Variants in MSLN observed in about 807,000 individuals in gnomAD.
The protein encoded by MSLN is CAK1 antigen.
In MSLN, 82 loss-of-function variants were observed where a neutral mutation model predicts 72.6. The ratio of observed to expected loss-of-function variants is 1.13; its 90% CI spans 0.94 to 1.36. The LOEUF (loss-of-function observed/expected upper bound fraction) is 1.36, where lower values mean the gene tolerates loss of function less well. Among genes scored for constraint, MSLN ranks in the 40% most tolerant of loss-of-function variants. The probability of loss-of-function intolerance (pLI) is 0.00; values close to 1 mark genes in which losing one functional copy is unlikely to be tolerated. For synonymous variants in MSLN, 456 were observed against 387.3 expected (o/e 1.18, Z -2.08); for missense variants, 1,005 against 847.9 (o/e 1.19, Z -2.30).
In MSLN at chr16:763,625, A is replaced by C; in HGVS notation, c.130-17A>C. ...AGAGCTGGTCTGAGCCATGTTCAGC[A>C]GGCCCTGTGTCCCCAGGAGGCTGCG... On this transcript the variant is annotated splice_polypyrimidine_tract_variant and intron_variant, in intron 4 of 17. Transcript: ENST00000545450. 1 of 1,591,632 alleles carries C rather than the reference A, an allele frequency of 6.3e-7. No individual in the cohort carries two copies. The highest frequency in any genetic ancestry group is 8.6e-7 in the Non-Finnish European group (1 of 1,166,608).
At chr16:765,088 G>A (rs758832787) in intron 8 of MSLN, 22 bp from the exon 9 acceptor site, 33 of 1,605,436 alleles carry the variant, frequency 2.1e-5, no homozygotes, top group Middle Eastern at 1.6e-4. Flanking sequence ...TTCCAAAAGC[G>A]CTGAGGCCAG....
At chr16:767,351 C>T in intron 15 of MSLN, 25 bp from the exon 16 acceptor site, 1 of 1,604,102 alleles carries the variant, frequency 6.2e-7, no homozygotes, top group Non-Finnish European at 8.5e-7. Flanking sequence ...GAGGCCTCAG[C>T]TCGGGCCCCT....
chr16:766,982 G>T lies in MSLN; in HGVS notation c.1471G>T (p.Glu491Ter), dbSNP rs747503528. Residue 491 changes from glutamate (E) to a stop codon, truncating the protein, a stop_gained, in exon 15 of 18, where the codon GAA (glutamate) becomes TAA (stop). Coordinates refer to ENST00000545450, the MANE Select transcript of MSLN (RefSeq NM_005823.6). LOFTEE classifies it high-confidence loss of function. ...RLAFQNMNGS[E>*]YFVKIQSFLG... ...TGCTTTCCAGAACATGAACGGGTCC[G>T]AATACTTCGTGAAGATCCAGTCCTT... 6.2e-7 allele frequency: 1 copy of T among 1,612,620 alleles called. No individual in the cohort carries two copies. Among genetic ancestry groups the T allele is most frequent in the African/African-American group, 1.3e-5 (1 of 75,042 alleles).
rs1294636951 is a variant in MSLN at position 765,524 on chromosome 16, C to A, written c.705-3C>A. 6.2e-7 allele frequency: 1 copy of A among 1,603,006 alleles called. No individual in the cohort carries two copies. Among genetic ancestry groups the A allele is most frequent in the South Asian group, 1.1e-5 (1 of 90,302 alleles). On this transcript the variant is annotated splice_region_variant and splice_polypyrimidine_tract_variant and intron_variant, in intron 9 of 17. Coordinates refer to ENST00000545450, the MANE Select transcript of MSLN (RefSeq NM_005823.6). ...CCCTGAGCTGTGTCCCGTGTCTGCA[C>A]AGCCCCCCGTCGACATGGTCTGTCT... is the stretch of plus-strand genomic sequence containing the variant.
Position 764,053 on chromosome 16 carries a change from G to C in MSLN, c.210G>C (p.Pro70=). The change falls in exon 6 of 18, where the codon CCG becomes CCC. Residue 70 remains proline, a synonymous_variant. Transcript: ENST00000545450. ...CCCCTCGCCAACTCCTTGGCTTCCCGTGTGCGGAGGTGTCCGGCCTGAGCA... is the reference window on the plus strand; with the variant it reads ...CCCCTCGCCAACTCCTTGGCTTCCCCTGTGCGGAGGTGTCCGGCCTGAGCA... ...SLSPRQLLGF[P]CAEVSGLSTE... 6.2e-7 allele frequency: 1 copy of C among 1,604,462 alleles called. No homozygotes were observed. The highest frequency in any genetic ancestry group is 8.5e-7 in the Non-Finnish European group (1 of 1,179,750).
intron 2 of MSLN, 134 bp from the exon 3 acceptor site, chr16:762,538 G>A (rs2041548670): frequency 5.8e-6 from 4 of 695,232 alleles, no homozygotes; most frequent in African/African-American, 1.8e-5. Context: ...GGGCCAGGGT[G>A]CGGACACAAG....
At chr16:767,260 G>C in intron 15 of MSLN, 116 bp from the exon 16 acceptor site, 1 of 1,156,966 alleles carries the variant, frequency 8.6e-7, no homozygotes, top group South Asian at 1.3e-5. Context: ...CCAGGCCCTG[G>C]AATCCCTAAG....
chr16:768,702 T>A lies in MSLN; in HGVS notation c.1838T>A (p.Leu613Gln). Reference protein sequence around the residue: ...LLGPGPVLTVLALLLASTLA With the variant: ...LLGPGPVLTVQALLLASTLA ...GGACCTGGACCTGTTCTCACCGTCCTGGCACTGCTCCTAGCCTCCACCCTG... is the reference window on the plus strand; with the variant it reads ...GGACCTGGACCTGTTCTCACCGTCCAGGCACTGCTCCTAGCCTCCACCCTG... The change falls in exon 18 of 18, where the codon CTG (leucine) becomes CAG (glutamine). Residue 613 changes from leucine to glutamine, a missense_variant. Transcript: ENST00000545450. The A allele has an allele frequency of 6.2e-7, 1 of 1,611,000 alleles. No homozygotes were observed. The highest frequency in any genetic ancestry group is 8.5e-7 in the Non-Finnish European group (1 of 1,179,544).
rs958535050 is a variant in MSLN at position 762,533 on chromosome 16, A to G, written c.-9-139A>G. 1.2e-5 allele frequency: 8 copies of G among 673,512 alleles called. No individual in the cohort carries two copies. In the South Asian group the frequency reaches 1.4e-4, roughly 11 times the overall value. 41.7% of individuals were successfully genotyped at this position (673,512 alleles called of 1,614,324 possible). A position where few individuals can be genotyped will look rare whatever the true frequency, so the allele number is the denominator to read the frequency against. On this transcript the variant is annotated intron_variant, in intron 2 of 17. Transcript: ENST00000545450. ...GGCTCAGTGGCTGGAGGGCAGGGCC[A>G]GGGTGCGGACACAAGCTGCAGGTAC...
chr16:762,961 T>C (rs1464644643), intron 3 of MSLN, among the ~76,000 whole-genome samples, 196 bp downstream of exon 3: 1 of 151,920 alleles, frequency 6.6e-6, no homozygotes, highest in Non-Finnish European at 1.5e-5. Flanking sequence ...CAGGACACAG[T>C]GGGGATGTCT....
intron 2 of MSLN, 44 bp from the exon 3 acceptor site, chr16:762,628 G>T (rs1001657283): frequency 1.9e-5 from 27 of 1,455,318 alleles, no homozygotes; most frequent in Middle Eastern, 1.7e-4. Context: ...CAGAGGCGTG[G>T]GGTGGGAGCA....
In MSLN at chr16:768,443, A is replaced by G. The variant is rs146147551; in HGVS notation, c.1661A>G (p.Glu554Gly). The change falls in exon 17 of 18, where the codon GAG (glutamate) becomes GGG (glycine). Residue 554 changes from glutamate (E) to glycine (G), a missense_variant. By Grantham distance (98) the Glu-to-Gly change is moderately conservative (BLOSUM62 -2). Transcript: ENST00000545450. ...CACGTGGAGGGCCTGAAGGCGGAGG[A>G]GCGGCACCGCCCGGTGCGGGACTGG... ...GPHVEGLKAE[E>G]RHRPVRDWIL... 2 of 1,528,898 alleles carry G rather than the reference A, an allele frequency of 1.3e-6. No homozygotes were observed. Among genetic ancestry groups the G allele is most frequent in the African/African-American group, 1.4e-5 (1 of 72,276 alleles). The allele number at this position is 1,528,898 out of a possible 1,614,324, so 94.7% of individuals were successfully genotyped here.
chr16:761,582 C>T (rs955745904), intron 2 of MSLN, among the ~76,000 whole-genome samples: 10 of 152,132 alleles, frequency 6.6e-5, no homozygotes, highest in Admixed American at 3.3e-4. Context: ...CCTGGCTTCA[C>T]GCACCCCAAG....
intron 16 of MSLN, among the ~76,000 whole-genome samples, chr16:768,074 G>A (rs1266591265): frequency 8.5e-6 from 1 of 117,332 alleles, no homozygotes; most frequent in Admixed American, 8.2e-5. Context: ...ACATGGAGGG[G>A]GGGGCAAGTG....
rs552877065 is a variant in MSLN at position 764,988 on chromosome 16, G to A, written c.462G>A (p.Arg154=). Residue 154 remains arginine, a synonymous_variant, in exon 8 of 18, where the codon AGG becomes AGA. Coordinates refer to ENST00000545450, the MANE Select transcript of MSLN (RefSeq NM_005823.6). The part of the protein sequence containing the change: ...ITKANVDLLP[R]GAPERQRLLP... ...AGGCCAATGTGGACCTGCTCCCGAG[G>A]GGGGCTCCCGAGCGACAGCGGCTGC... The A allele has an allele frequency of 6.2e-7, 1 of 1,612,296 alleles. No individual in the cohort carries two copies. The highest frequency in any genetic ancestry group is 8.5e-7 in the Non-Finnish European group (1 of 1,179,720).
At chr16:765,328 G>A (rs571242980) in intron 9 of MSLN, 25 bp downstream of exon 9, 21 of 1,536,188 alleles carry the variant, frequency 1.4e-5, no homozygotes, top group African/African-American at 6.8e-5. Context: ...CTGGAACCTC[G>A]AAGGCTCACC....
At position 767,481 on chromosome 16, in the gene MSLN, C is replaced by T. The variant is rs142937997; in HGVS notation, c.1596+11C>T. The T allele has an allele frequency of 0.02, 26,322 of 1,307,568 alleles. 501 individuals carry two copies. The highest frequency in any genetic ancestry group is 0.023 in the Non-Finnish European group (22,992 of 992,904). The allele number at this position is 1,307,568 out of a possible 1,614,324, so 81.0% of individuals were successfully genotyped here. A position where few individuals can be genotyped will look rare whatever the true frequency, so the allele number is the denominator to read the frequency against. On this transcript the variant is annotated intron_variant, in intron 16 of 17. Coordinates refer to ENST00000545450, the MANE Select transcript of MSLN (RefSeq NM_005823.6). ...ACGGATGCGGTGCTGGTATGGCGAG[C>T]GGGAGGAGGGGCGTGTGGAGGAGGG... is the stretch of plus-strand genomic sequence containing the variant.
rs777355589 is a variant in MSLN, at chr16:768,534, CG to C, written c.1754del (p.Gly585AlafsTer5). 1 of 1,601,676 alleles carries C rather than the reference CG, an allele frequency of 6.2e-7. No homozygotes were observed. Among genetic ancestry groups the C allele is most frequent in the Non-Finnish European group, 8.5e-7 (1 of 1,173,562 alleles). On this transcript the variant is annotated frameshift_variant, in exon 17 of 18. Transcript: ENST00000545450. LOFTEE classifies it low-confidence loss of function (END_TRUNC). ...TGGGGCTACAGGGCGGCATCCCCAACGGCTACCTGGTCCTAGACCTCAGCAT... is the reference window on the plus strand; with the variant it reads ...TGGGGCTACAGGGCGGCATCCCCAACGCTACCTGGTCCTAGACCTCAGCAT... Reference protein sequence around the residue: ...GLGLQGGIPNGYLVLDLSMQE... With the variant: ...GLGLQGGIPNXYLVLDLSMQE...
At chr16:767,087 C>G in intron 15 of MSLN, 75 bp downstream of exon 15, 1 of 1,597,098 alleles carries the variant, frequency 6.3e-7, no homozygotes. Flanking sequence ...GGTGCCAGGC[C>G]TTTGCCTCGC....
Sources: allele counts gnomAD v4.1 joint callset (sites outside exome capture counted in the v4.1 genomes callset), GRCh38; gene constraint gnomAD v4.1.1; transcripts MANE v1.5; gene names NCBI Gene and HGNC (gene_info 2026-07-23, HGNC 2026-07-21).